The following TMEM87B variants were observed in gnomAD, a reference collection of about 807,000 sequenced individuals.
The protein encoded by TMEM87B is transmembrane protein 87B.
Under a neutral mutation model 80.3 loss-of-function variants are expected in TMEM87B, and 83 were observed. That is an observed-to-expected ratio of 1.03 (90% CI 0.87 to 1.24). The LOEUF (loss-of-function observed/expected upper bound fraction) is 1.24. Ranked by LOEUF, TMEM87B falls within the 50% of genes most tolerant of loss-of-function variation. TMEM87B has a pLI of 0.00. For synonymous variants in TMEM87B, 219 were observed against 230.5 expected (o/e 0.95, Z 0.45); for missense variants, 625 against 674.4 (o/e 0.93, Z 0.81).
intron 13 of TMEM87B, among the ~76,000 whole-genome samples, chr2:112,097,922 T>C (rs946741138): frequency 1.1e-4 from 17 of 151,870 alleles, no homozygotes; most frequent in African/African-American, 4.1e-4. Context: ...GGACTAGAAA[T>C]CTTAAGACTG....
chr2:112,098,917 A>G (rs72942022), intron 14 of TMEM87B, among the ~76,000 whole-genome samples: 8,026 of 152,244 alleles, frequency 0.053, 375 homozygotes, highest in African/African-American at 0.13. Flanking sequence ...TCTTGAAGCG[A>G]CAGCGCTTAC....
chr2:112,098,446 G>A, intron 13 of TMEM87B, 149 bp from the exon 14 acceptor site: 1 of 700,906 alleles, frequency 1.4e-6, no homozygotes. Context: ...AACAATATAG[G>A]TTTCTTGAAA....
chr2:112,111,170 G>C (rs542329351), intron 17 of TMEM87B, among the ~76,000 whole-genome samples: 1 of 152,282 alleles, frequency 6.6e-6, no homozygotes, highest in Non-Finnish European at 1.5e-5. Context: ...TGTGTCTTTT[G>C]TGGTTTTGTT....
intron 8 of TMEM87B, 149 bp downstream of exon 8, chr2:112,081,667 G>C: frequency 1.5e-6 from 1 of 678,442 alleles, no homozygotes; most frequent in Non-Finnish European, 2.3e-6. Context: ...AAGAATGTCA[G>C]AGTAGGCCTC....
intron 15 of TMEM87B, among the ~76,000 whole-genome samples, chr2:112,104,215 A>C (rs1679705100): frequency 6.6e-6 from 1 of 152,204 alleles, no homozygotes; most frequent in Non-Finnish European, 1.5e-5. Flanking sequence ...CCATTAAATT[A>C]AAAAATGAGA....
At chr2:112,111,651 A>G (rs960122970) in intron 17 of TMEM87B, among the ~76,000 whole-genome samples, 1 of 152,232 alleles carries the variant, frequency 6.6e-6, no homozygotes, top group African/African-American at 2.4e-5. Context: ...CAAGTTTAGT[A>G]TTTAGACTTT....
intron 9 of TMEM87B, among the ~76,000 whole-genome samples, chr2:112,086,352 T>C (rs780890203): frequency 2.0e-5 from 3 of 152,276 alleles, no homozygotes; most frequent in Non-Finnish European, 2.9e-5. Flanking sequence ...ACTTTAAGGA[T>C]AATGGAAAAT....
chr2:112,084,804 T>G (rs1311274101), intron 8 of TMEM87B, among the ~76,000 whole-genome samples: 1 of 152,270 alleles, frequency 6.6e-6, no homozygotes, highest in Non-Finnish European at 1.5e-5. Context: ...CTGAGCATTT[T>G]CCTTGCCTGC....
intron 2 of TMEM87B, among the ~76,000 whole-genome samples, chr2:112,061,431 T>C (rs1007124207): frequency 6.6e-6 from 1 of 152,216 alleles, no homozygotes; most frequent in Non-Finnish European, 1.5e-5. Flanking sequence ...TTTATGGGTC[T>C]TTCCTGAGGG....
In TMEM87B at chr2:112,113,223, G is replaced by A. The variant is rs1369927683; in HGVS notation, c.1608+294G>A. Among the ~76,000 whole-genome samples the A allele has an allele frequency of 3.9e-5, 6 of 152,330 alleles. No homozygotes were observed. In the East Asian group the frequency reaches 5.8e-4, roughly 15 times the overall value. On this transcript the variant is annotated intron_variant, in intron 18 of 18. Coordinates refer to ENST00000283206, the MANE Select transcript of TMEM87B (RefSeq NM_032824.3). ...TTGTCTAAATTAATCTCTGATACTTGTAGACATTTTGCTGAGATATTAAAG... is the reference window on the plus strand; with the variant it reads ...TTGTCTAAATTAATCTCTGATACTTATAGACATTTTGCTGAGATATTAAAG...
At chr2:112,100,004 A>G (rs1405918914) in intron 14 of TMEM87B, among the ~76,000 whole-genome samples, 1 of 152,168 alleles carries the variant, frequency 6.6e-6, no homozygotes, top group Non-Finnish European at 1.5e-5. Flanking sequence ...TATAATTTAT[A>G]TAAGCAGTCC....
chr2:112,107,468 C>A (rs112943804), intron 16 of TMEM87B, among the ~76,000 whole-genome samples: 10 of 151,360 alleles, frequency 6.6e-5, no homozygotes, highest in African/African-American at 2.2e-4. Flanking sequence ...TGTGGCAAAG[C>A]AAAAATTCAA....
In TMEM87B at chr2:112,089,416, A is replaced by C. The variant is rs61230457; in HGVS notation, c.939-209A>C. On this transcript the variant is annotated intron_variant, in intron 9 of 18. Transcript: ENST00000283206. ...TTTGTGGCCTCCAAATATTGCTTCA[A>C]AGGCATCAGTATAGCTTCAGGTCCT... is the stretch of plus-strand genomic sequence containing the variant. 0.054 allele frequency among the ~76,000 whole-genome samples: 8,198 copies of C among 152,334 alleles called. 408 individuals are homozygous for C. Among genetic ancestry groups the C allele is most frequent in the African/African-American group, 0.13 (5,549 of 41,560 alleles).
rs1428517826 is a variant in TMEM87B, at chr2:112,118,875, C to G, written c.*2732C>G. On this transcript the variant is annotated 3_prime_UTR_variant, in exon 19 of 19. Transcript: ENST00000283206. ...TGTACATGACTAAAGTTGACAGATG[C>G]TATGCTAGATTTATAATCACTAGTT... 6.6e-6 allele frequency: 1 copy of G among 151,996 alleles called. No homozygotes were observed. Among genetic ancestry groups the G allele is most frequent in the Non-Finnish European group, 1.5e-5 (1 of 67,990 alleles). The allele number at this position is 151,996 out of a possible 1,614,324, so 9.4% of individuals were successfully genotyped here.
intron 2 of TMEM87B, among the ~76,000 whole-genome samples, chr2:112,060,457 T>A (rs1678216646): frequency 6.6e-6 from 1 of 151,984 alleles, no homozygotes; most frequent in African/African-American, 2.4e-5. Context: ...ACTAAGCAAA[T>A]GTTTTGTTTT....
intron 15 of TMEM87B, among the ~76,000 whole-genome samples, chr2:112,101,998 T>TA (rs200760940): frequency 2.0e-5 from 3 of 152,096 alleles, no homozygotes; most frequent in African/African-American, 4.8e-5. Flanking sequence ...ATTAGAAATT[T>TA]AAAAAAAATT....
intron 3 of TMEM87B, among the ~76,000 whole-genome samples, chr2:112,064,949 T>C (rs757935328): frequency 9.9e-5 from 15 of 152,120 alleles, no homozygotes; most frequent in Non-Finnish European, 2.1e-4. Context: ...TGTGTACATA[T>C]ACCTATACAT....
In TMEM87B at chr2:112,115,419, T is replaced by G. The variant is rs376400196; in HGVS notation, c.1609-665T>G. Among the ~76,000 whole-genome samples, 62 of 128,490 alleles carry G rather than the reference T, an allele frequency of 4.8e-4. No homozygotes were observed. In the East Asian group the frequency reaches 5.2e-3, roughly 11 times the overall value. The allele number at this position is 128,490 out of a possible 152,430, so 84.3% of individuals were successfully genotyped here. On this transcript the variant is annotated intron_variant, in intron 18 of 18. Coordinates refer to ENST00000283206, the MANE Select transcript of TMEM87B (RefSeq NM_032824.3). ...AAAGATTCATAACTCTACAGAAAGA[T>G]GTAGCATTACAGAAAGATTCATAAC...
chr2:112,055,274 C>G lies in TMEM87B; in HGVS notation c.-318C>G. On this transcript the variant is annotated 5_prime_UTR_variant, in exon 1 of 19. Transcript: ENST00000283206. ...CACGTTCCGGCTCCTCTTCTATCTTCACGCCCACGCTAGGCCCTGAGCCCA... is the reference window on the plus strand; with the variant it reads ...CACGTTCCGGCTCCTCTTCTATCTTGACGCCCACGCTAGGCCCTGAGCCCA... 2.8e-6 allele frequency: 1 copy of G among 363,404 alleles called. No homozygotes were observed. The highest frequency in any genetic ancestry group is 5.0e-6 in the Non-Finnish European group (1 of 200,562). 22.5% of individuals were successfully genotyped at this position (363,404 alleles called of 1,614,324 possible). A position where few individuals can be genotyped will look rare whatever the true frequency, so the allele number is the denominator to read the frequency against.
Sources: gnomAD v4.1 joint callset for allele counts (sites outside exome capture counted in the v4.1 genomes callset) on GRCh38, gnomAD v4.1.1 for gene constraint, MANE v1.5 for transcripts, NCBI Gene and HGNC (gene_info 2026-07-23, HGNC 2026-07-21) for gene names.